DENND4A: variants seen among roughly 807,000 people sequenced by gnomAD.
DENND4A encodes the protein DENN domain containing 4A.
DENND4A carries 70 observed loss-of-function variants against 199.3 expected under a neutral mutation model. The ratio of observed to expected loss-of-function variants is 0.35; its 90% confidence interval spans 0.29 to 0.43. The LOEUF (loss-of-function observed/expected upper bound fraction) is 0.43. Ranked by LOEUF, DENND4A falls within the 20% of genes least tolerant of loss-of-function variation. DENND4A has a pLI of 1.00. For synonymous variants in DENND4A, 686 were observed against 766.9 expected (o/e 0.89, Z 1.74); for missense variants, 1,723 against 2,255.8 (o/e 0.76, Z 4.78).
chr15:65,674,196 T>C (rs892188741), intron 24 of DENND4A, among the ~76,000 whole-genome samples: 41 of 152,134 alleles, frequency 2.7e-4, no homozygotes, highest in African/African-American at 9.7e-4. Context: ...TGAAACTAAA[T>C]ATTTGATATA....
chr15:65,782,629 TAC>T (rs1352451347), intron 1 of DENND4A, among the ~76,000 whole-genome samples: 1 of 151,616 alleles, frequency 6.6e-6, no homozygotes, highest in Non-Finnish European at 1.5e-5. Context: ...CACACACACA[TAC>T]ACACATACAC....
At chr15:65,789,184 T>A (rs1567114671) in intron 1 of DENND4A, among the ~76,000 whole-genome samples, 2 of 152,134 alleles carry the variant, frequency 1.3e-5, no homozygotes, top group East Asian at 1.9e-4. Flanking sequence ...TGCTAAGTTT[T>A]AAAAAAAACT....
At chr15:65,662,164 T>C (rs1302171693) in intron 32 of DENND4A, among the ~76,000 whole-genome samples, 177 bp from the exon 33 acceptor site, 1 of 152,230 alleles carries the variant, frequency 6.6e-6, no homozygotes, top group Non-Finnish European at 1.5e-5. Flanking sequence ...ACTTAAAGGT[T>C]TGAAAATGCC....
At chr15:65,751,438 G>C (rs1342908335) in intron 4 of DENND4A, among the ~76,000 whole-genome samples, 1 of 152,310 alleles carries the variant, frequency 6.6e-6, no homozygotes, top group Admixed American at 6.5e-5. Context: ...AGATATTCAA[G>C]AAGGGATGAT....
At chr15:65,713,226 G>A (rs942300279) in intron 14 of DENND4A, among the ~76,000 whole-genome samples, 27 of 152,082 alleles carry the variant, frequency 1.8e-4, no homozygotes, top group Admixed American at 6.5e-5. Flanking sequence ...CTTTAGACAA[G>A]TTTCTTCTCC....
chr15:65,687,553 G>A (rs574729686), intron 23 of DENND4A, among the ~76,000 whole-genome samples: 1 of 152,096 alleles, frequency 6.6e-6, no homozygotes, highest in East Asian at 1.9e-4. Context: ...ATCTCATAGA[G>A]CAATCCCATT....
chr15:65,727,241 A>T (rs544145497), intron 11 of DENND4A, among the ~76,000 whole-genome samples: 22 of 151,618 alleles, frequency 1.5e-4, no homozygotes, highest in South Asian at 6.3e-4. Flanking sequence ...TCACGAGGTC[A>T]GGAGATCAAG....
At chr15:65,762,124 C>G (rs1199507883) in intron 1 of DENND4A, among the ~76,000 whole-genome samples, 1 of 152,150 alleles carries the variant, frequency 6.6e-6, no homozygotes, top group East Asian at 1.9e-4. Flanking sequence ...TCTCCTGCCT[C>G]AGCCTCCCGA....
At chr15:65,736,671 A>C (rs555515432) in intron 7 of DENND4A, among the ~76,000 whole-genome samples, 1 of 152,302 alleles carries the variant, frequency 6.6e-6, no homozygotes, top group South Asian at 2.1e-4. Context: ...AGTGTCAAAA[A>C]AAAGAATATC....
intron 23 of DENND4A, among the ~76,000 whole-genome samples, chr15:65,678,376 A>C (rs1345632149): frequency 1.3e-5 from 2 of 152,064 alleles, no homozygotes; most frequent in Admixed American, 6.5e-5. Context: ...TACCCTGACT[A>C]ATTTGGTTAG....
At chr15:65,687,763 ATTT>A (rs2142042779) in intron 23 of DENND4A, among the ~76,000 whole-genome samples, 1 of 151,600 alleles carries the variant, frequency 6.6e-6, no homozygotes, top group African/African-American at 2.4e-5. Context: ...GTAATGAATA[ATTT>A]TTTAACAGCT....
chr15:65,738,469 G>A (rs2140451666), intron 6 of DENND4A, among the ~76,000 whole-genome samples: 1 of 152,114 alleles, frequency 6.6e-6, no homozygotes, highest in East Asian at 1.9e-4. Context: ...AATAAATGAA[G>A]GATCATCATT....
Position 65,752,374 on chromosome 15 carries a change from C to T in DENND4A, c.561+5G>A, listed in dbSNP as rs1253144891. 1 of 1,387,246 alleles carries T rather than the reference C, an allele frequency of 7.2e-7. No homozygotes were observed. The highest frequency in any genetic ancestry group is 9.6e-7 in the Non-Finnish European group (1 of 1,037,072). 85.9% of individuals were successfully genotyped at this position (1,387,246 alleles called of 1,614,324 possible). On this transcript the variant is annotated splice_donor_5th_base_variant and intron_variant, in intron 4 of 32. Transcript: ENST00000443035. ...TAATGTTACCAGTGCAAGTAAGTCA[C>T]TTACCATACTGTTATTGAGATTCTT...
intron 24 of DENND4A, among the ~76,000 whole-genome samples, chr15:65,674,969 C>T (rs1223293416): frequency 2.6e-5 from 4 of 152,084 alleles, no homozygotes; most frequent in African/African-American, 9.7e-5. Context: ...GTGATGGATA[C>T]ATGGGGGTTC....
intron 24 of DENND4A, among the ~76,000 whole-genome samples, chr15:65,672,614 A>G (rs1224725380): frequency 4.1e-5 from 6 of 146,744 alleles, no homozygotes; most frequent in Non-Finnish European, 9.1e-5. Context: ...CCTGACTCCA[A>G]AAAAAAAAAA....
intron 18 of DENND4A, 48 bp downstream of exon 18, chr15:65,701,714 C>CA: frequency 6.5e-7 from 1 of 1,541,284 alleles, no homozygotes; most frequent in Non-Finnish European, 9.0e-7. Flanking sequence ...ATTAATGTTG[C>CA]ATAATGACAA....
Position 65,660,269 on chromosome 15 carries a change from T to C in DENND4A, c.*1582A>G. 2.6e-6 allele frequency: 4 copies of C among 1,533,854 alleles called. No individual in the cohort carries two copies. Among genetic ancestry groups the C allele is most frequent in the Non-Finnish European group, 3.5e-6 (4 of 1,145,230 alleles). ...TTTTACATTTTTAAACTCTCTCCAT[T>C]ATTTCCCAGAGTTGGAAGCTGTGAA... On this transcript the variant is annotated 3_prime_UTR_variant, in exon 33 of 33. Coordinates refer to ENST00000443035, the MANE Select transcript of DENND4A (RefSeq NM_001320835.1).
chr15:65,775,139 C>A (rs999136882), intron 1 of DENND4A, among the ~76,000 whole-genome samples: 3 of 152,012 alleles, frequency 2.0e-5, no homozygotes, highest in Non-Finnish European at 4.4e-5. Context: ...AGTAAACTAA[C>A]AAACCAACCA....
intron 14 of DENND4A, among the ~76,000 whole-genome samples, chr15:65,709,719 A>AAAAAAAAAATATATATATAT (rs1218030026): frequency 1.9e-5 from 1 of 51,460 alleles, no homozygotes; most frequent in Non-Finnish European, 3.1e-5. Context: ...AAAAAAAAAA[A>AAAAAAAAAATATATATATAT]ATATATATAT....
Sources: gnomAD v4.1 joint callset for allele counts (sites outside exome capture counted in the v4.1 genomes callset) on GRCh38, gnomAD v4.1.1 for gene constraint, MANE v1.5 for transcripts, NCBI Gene and HGNC (gene_info 2026-07-23, HGNC 2026-07-21) for gene names.